The following PPM1E variants were observed in gnomAD, a reference collection of about 807,000 sequenced individuals.
The protein encoded by PPM1E is protein phosphatase 1E.
Under a neutral mutation model 65.9 loss-of-function variants are expected in PPM1E, and 20 were observed. The ratio of observed to expected loss-of-function variants is 0.30; its 90% CI spans 0.21 to 0.44. PPM1E has a LOEUF of 0.44. PPM1E is among the 20% of genes least tolerant of loss of function. The probability of loss-of-function intolerance (pLI) is 1.00; values close to 1 mark genes in which losing one functional copy is unlikely to be tolerated. For missense variants in PPM1E, 713 were observed against 953.1 expected (o/e 0.75, Z 3.32); for synonymous variants, 352 against 374.9 (o/e 0.94, Z 0.70).
At chr17:58,914,252 C>G (rs539278971) in intron 1 of PPM1E, among the ~76,000 whole-genome samples, 1 of 152,276 alleles carries the variant, frequency 6.6e-6, no homozygotes, top group South Asian at 2.1e-4. Flanking sequence ...AGAAGCCAAC[C>G]AGCATTTGTT....
chr17:58,890,542 C>T (rs1208180891), intron 1 of PPM1E, among the ~76,000 whole-genome samples: 1 of 152,028 alleles, frequency 6.6e-6, no homozygotes, highest in African/African-American at 2.4e-5. Flanking sequence ...AAAGTATTGA[C>T]TTAGGGGTTA....
At chr17:58,773,837 A>G (rs549444752) in intron 1 of PPM1E, among the ~76,000 whole-genome samples, 12 of 152,246 alleles carry the variant, frequency 7.9e-5, no homozygotes, top group African/African-American at 1.7e-4. Flanking sequence ...GAGAATTTCT[A>G]TGGGTTCCGG....
At chr17:58,914,899 T>A (rs76446104) in intron 1 of PPM1E, among the ~76,000 whole-genome samples, 2,742 of 152,308 alleles carry the variant, frequency 0.018, 39 homozygotes, top group Non-Finnish European at 0.03. Context: ...ATTTATTACT[T>A]AGTACCCAGG....
chr17:58,811,449 T>C (rs1172680544), intron 1 of PPM1E, among the ~76,000 whole-genome samples: 1 of 152,232 alleles, frequency 6.6e-6, no homozygotes, highest in African/African-American at 2.4e-5. Context: ...GACAATCTTC[T>C]TGGCAACCAA....
At chr17:58,909,347 C>T (rs571409249) in intron 1 of PPM1E, among the ~76,000 whole-genome samples, 25 of 152,276 alleles carry the variant, frequency 1.6e-4, no homozygotes, top group African/African-American at 6.0e-4. Context: ...AACCTGAACT[C>T]CTGGGCTCAA....
At chr17:58,875,569 T>A (rs2051118909) in intron 1 of PPM1E, among the ~76,000 whole-genome samples, 1 of 152,148 alleles carries the variant, frequency 6.6e-6, no homozygotes, top group Non-Finnish European at 1.5e-5. Context: ...TTGTTAAGAG[T>A]TTAATTTATT....
At chr17:58,789,637 C>T (rs1225164285) in intron 1 of PPM1E, among the ~76,000 whole-genome samples, 2 of 152,010 alleles carry the variant, frequency 1.3e-5, no homozygotes, top group Non-Finnish European at 2.9e-5. Flanking sequence ...CACTTGACAG[C>T]TGCCTGCTAT....
chr17:58,947,429 G>T (rs1055948387), intron 1 of PPM1E, among the ~76,000 whole-genome samples: 1 of 150,748 alleles, frequency 6.6e-6, no homozygotes, highest in Non-Finnish European at 1.5e-5. Context: ...TAGAGACAGG[G>T]TTTCACCATG....
At chr17:58,845,114 C>T (rs1005731803) in intron 1 of PPM1E, among the ~76,000 whole-genome samples, 32 of 151,978 alleles carry the variant, frequency 2.1e-4, no homozygotes, top group African/African-American at 5.1e-4. Flanking sequence ...ATCACTTATG[C>T]GAAATGTGTG....
intron 1 of PPM1E, among the ~76,000 whole-genome samples, chr17:58,791,704 T>C (rs953861620): frequency 6.6e-6 from 1 of 152,168 alleles, no homozygotes; most frequent in Non-Finnish European, 1.5e-5. Flanking sequence ...TTATAGGTGA[T>C]GCCTTTGAGT....
At chr17:58,905,691 T>C (rs1033283161) in intron 1 of PPM1E, among the ~76,000 whole-genome samples, 6 of 152,140 alleles carry the variant, frequency 3.9e-5, no homozygotes, top group African/African-American at 1.4e-4. Context: ...GTAACATCTT[T>C]GTTGGGCATT....
chr17:58,780,390 C>T (rs533960029), intron 1 of PPM1E, among the ~76,000 whole-genome samples: 9 of 152,296 alleles, frequency 5.9e-5, no homozygotes, highest in African/African-American at 2.2e-4. Flanking sequence ...GTCCTAGCTA[C>T]TCAGGAGGCT....
chr17:58,982,690 T>A lies in PPM1E; in HGVS notation c.*1659T>A. 3 of 485,104 alleles carry A rather than the reference T, an allele frequency of 6.2e-6. No homozygotes were observed. Among genetic ancestry groups the A allele is most frequent in the South Asian group, 8.0e-5 (2 of 24,848 alleles). 30.0% of individuals were successfully genotyped at this position (485,104 alleles called of 1,614,324 possible). On this transcript the variant is annotated 3_prime_UTR_variant, in exon 7 of 7. Coordinates refer to ENST00000308249, the MANE Select transcript of PPM1E (RefSeq NM_014906.5). ...CAGATTTTATTTTTTAAAATTTGGA[T>A]GTAAGTAGAGACTTTCAGTATTTGT...
chr17:58,852,611 G>GTT (rs112904822), intron 1 of PPM1E, among the ~76,000 whole-genome samples: 3 of 128,898 alleles, frequency 2.3e-5, no homozygotes, highest in African/African-American at 8.5e-5. Context: ...GTTTTTTTTT[G>GTT]TTTTTTTTTT....
At chr17:58,944,658 AG>A (rs1357844595) in intron 1 of PPM1E, among the ~76,000 whole-genome samples, 24 of 152,306 alleles carry the variant, frequency 1.6e-4, no homozygotes, top group African/African-American at 5.5e-4. Context: ...TCCACACTGT[AG>A]CATGTATAAG....
At chr17:58,774,820 A>G (rs1315402339) in intron 1 of PPM1E, among the ~76,000 whole-genome samples, 2 of 151,822 alleles carry the variant, frequency 1.3e-5, no homozygotes, top group African/African-American at 2.4e-5. Context: ...AAGATAAGCT[A>G]TAGCAAGCAA....
At chr17:58,805,926 A>G (rs1271268693) in intron 1 of PPM1E, among the ~76,000 whole-genome samples, 1 of 140,792 alleles carries the variant, frequency 7.1e-6, no homozygotes, top group African/African-American at 2.6e-5. Context: ...TAACTTTTTA[A>G]TAGGAGGTTC....
intron 4 of PPM1E, among the ~76,000 whole-genome samples, chr17:58,970,263 A>G (rs2030510912): frequency 6.6e-6 from 1 of 152,246 alleles, no homozygotes; most frequent in Non-Finnish European, 1.5e-5. Context: ...AGAAGAGCTC[A>G]TGTCCTACAT....
intron 2 of PPM1E, among the ~76,000 whole-genome samples, chr17:58,964,869 C>T (rs2030170451): frequency 6.6e-6 from 1 of 151,944 alleles, no homozygotes; most frequent in Non-Finnish European, 1.5e-5. Context: ...CATGGTGAAA[C>T]CCTGTCTCTA....
Sources: gnomAD v4.1 joint callset for allele counts (sites outside exome capture counted in the v4.1 genomes callset) on GRCh38, gnomAD v4.1.1 for gene constraint, MANE v1.5 for transcripts, NCBI Gene and HGNC (gene_info 2026-07-23, HGNC 2026-07-21) for gene names.